EPB41L2: variants seen among roughly 807,000 people sequenced by gnomAD.
EPB41L2 encodes the protein band 4.1-like protein 2.
Under a neutral mutation model 113.0 loss-of-function variants are expected in EPB41L2, and 43 were observed. The ratio of observed to expected loss-of-function variants is 0.38; its 90% CI spans 0.30 to 0.49. The LOEUF (loss-of-function observed/expected upper bound fraction) is 0.49. EPB41L2 is among the 20% of genes least tolerant of loss of function. EPB41L2 has a pLI of 0.95. For synonymous variants in EPB41L2, 442 were observed against 436.7 expected (o/e 1.01, Z -0.15); for missense variants, 1,147 against 1,223.4 (o/e 0.94, Z 0.93).
At chr6:130,857,541 A>C (rs1309098501) in intron 19 of EPB41L2, among the ~76,000 whole-genome samples, 1 of 141,462 alleles carries the variant, frequency 7.1e-6, no homozygotes, top group East Asian at 2.1e-4. Context: ...GTTCATTCTC[A>C]GATGTATCTT....
intron 1 of EPB41L2, among the ~76,000 whole-genome samples, chr6:131,014,752 T>C (rs1787798444): frequency 6.6e-6 from 1 of 152,166 alleles, no homozygotes; most frequent in African/African-American, 2.4e-5. Context: ...ACAAGACCCA[T>C]TACACTTTGA....
chr6:131,016,029 C>T lies in EPB41L2; in HGVS notation c.-15+47126G>A, dbSNP rs954304323. 5.3e-5 allele frequency among the ~76,000 whole-genome samples: 8 copies of T among 152,146 alleles called. No individual in the cohort carries two copies. In the South Asian group the frequency reaches 1.2e-3, roughly 24 times the overall value. On this transcript the variant is annotated intron_variant, in intron 1 of 19. Transcript: ENST00000337057. ...TTGAAGATAGGTTCCAGCTATGAAT[C>T]GTCTAGGTTTGTGTGCTGGACAGGG...
chr6:130,899,415 A>G (rs1439049777), intron 8 of EPB41L2, 76 bp downstream of exon 8: 1 of 1,161,708 alleles, frequency 8.6e-7, no homozygotes. Context: ...AAGCTGTGCT[A>G]TCCTGAAACT....
chr6:130,873,344 C>T (rs1786371163), intron 14 of EPB41L2, among the ~76,000 whole-genome samples: 1 of 152,216 alleles, frequency 6.6e-6, no homozygotes, highest in African/African-American at 2.4e-5. Flanking sequence ...TGGCTCCCAA[C>T]CTGCCTGAGG....
At chr6:130,961,251 A>G (rs1202363697) in intron 1 of EPB41L2, among the ~76,000 whole-genome samples, 3 of 152,216 alleles carry the variant, frequency 2.0e-5, no homozygotes, top group Non-Finnish European at 4.4e-5. Flanking sequence ...CAGCCCGCCC[A>G]TTAGACAAGC....
At chr6:131,004,627 A>G (rs1271301840) in intron 1 of EPB41L2, among the ~76,000 whole-genome samples, 1 of 152,188 alleles carries the variant, frequency 6.6e-6, no homozygotes, top group Non-Finnish European at 1.5e-5. Context: ...CATTCACACC[A>G]GACAGTGCAA....
At chr6:130,850,301 C>T (rs934256452) in intron 19 of EPB41L2, among the ~76,000 whole-genome samples, 2 of 151,912 alleles carry the variant, frequency 1.3e-5, no homozygotes, top group African/African-American at 2.4e-5. Flanking sequence ...ACATATTTGC[C>T]CTGGAGAAAC....
intron 1 of EPB41L2, among the ~76,000 whole-genome samples, chr6:130,995,845 T>C (rs1051455955): frequency 6.6e-6 from 1 of 152,250 alleles, no homozygotes; most frequent in Admixed American, 6.5e-5. Flanking sequence ...AGCCATATTT[T>C]GGAACGCTGT....
chr6:130,973,279 T>C (rs1466309122), intron 1 of EPB41L2, among the ~76,000 whole-genome samples: 1 of 152,266 alleles, frequency 6.6e-6, no homozygotes, highest in East Asian at 1.9e-4. Context: ...AAACTTTTTT[T>C]TTTTTTAAGT....
intron 5 of EPB41L2, 107 bp downstream of exon 5, chr6:130,908,714 G>T: frequency 1.3e-6 from 1 of 784,000 alleles, no homozygotes; most frequent in Non-Finnish European, 2.0e-6. Flanking sequence ...TAACTTCTAA[G>T]ATGGCATAAA....
chr6:130,885,062 G>A (rs1486963678), intron 12 of EPB41L2, 34 bp downstream of exon 12: 3 of 1,610,396 alleles, frequency 1.9e-6, no homozygotes, highest in Middle Eastern at 3.3e-4. Context: ...TTAAGTAAAT[G>A]TTTAAAACCA....
At chr6:131,052,061 C>G (rs576411364) in intron 1 of EPB41L2, among the ~76,000 whole-genome samples, 1 of 152,118 alleles carries the variant, frequency 6.6e-6, no homozygotes, top group East Asian at 1.9e-4. Context: ...CTCAGCCTGC[C>G]AAGTAGCTGG....
At chr6:130,870,946 A>G (rs1201163764) in intron 14 of EPB41L2, among the ~76,000 whole-genome samples, 1 of 152,168 alleles carries the variant, frequency 6.6e-6, no homozygotes, top group Non-Finnish European at 1.5e-5. Flanking sequence ...GGCAAAGGCT[A>G]TATTATACAA....
intron 1 of EPB41L2, among the ~76,000 whole-genome samples, chr6:130,980,823 T>G (rs536936625): frequency 6.6e-6 from 1 of 152,192 alleles, no homozygotes; most frequent in Non-Finnish European, 1.5e-5. Context: ...GAAAAGTCAC[T>G]TTGAAACAAC....
At chr6:131,021,633 C>T (rs1178817879) in intron 1 of EPB41L2, among the ~76,000 whole-genome samples, 2 of 151,936 alleles carry the variant, frequency 1.3e-5, no homozygotes, top group African/African-American at 4.8e-5. Context: ...TGCACTCCTG[C>T]CTGGGCAACA....
intron 19 of EPB41L2, among the ~76,000 whole-genome samples, chr6:130,849,306 A>G (rs543341592): frequency 1.9e-3 from 283 of 152,346 alleles, no homozygotes; most frequent in African/African-American, 6.3e-3. Context: ...TTCAAATTCT[A>G]AGATATACCC....
chr6:131,018,986 T>C (rs1788869033), intron 1 of EPB41L2, among the ~76,000 whole-genome samples: 1 of 152,218 alleles, frequency 6.6e-6, no homozygotes, highest in African/African-American at 2.4e-5. Flanking sequence ...TCAAAATTAT[T>C]TTGACTATTC....
intron 1 of EPB41L2, chr6:130,978,600 C>T: frequency 1.3e-5 from 2 of 152,240 alleles, no homozygotes; most frequent in Non-Finnish European, 2.9e-5. Context: ...AGCCATTATA[C>T]TCACCATTAC....
intron 1 of EPB41L2, among the ~76,000 whole-genome samples, chr6:130,969,169 C>A (rs1464507543): frequency 6.6e-6 from 1 of 152,024 alleles, no homozygotes; most frequent in Non-Finnish European, 1.5e-5. Context: ...TTATTCAGCA[C>A]CCACACCCAC....
Sources: gnomAD v4.1 joint callset for allele counts (sites outside exome capture counted in the v4.1 genomes callset) on GRCh38, gnomAD v4.1.1 for gene constraint, MANE v1.5 for transcripts, NCBI Gene and HGNC (gene_info 2026-07-23, HGNC 2026-07-21) for gene names.